Variants in ETV6 observed in about 807,000 individuals in gnomAD.
ETV6 encodes the protein transcription factor ETV6.
In ETV6, 16 loss-of-function variants were observed where a neutral mutation model predicts 51.1. The observed-to-expected ratio is 0.31, with a 90% CI of 0.21 to 0.48. ETV6 has a LOEUF of 0.48. Among genes scored for constraint, ETV6 ranks in the 20% least tolerant of loss-of-function variants. The pLI, the probability that ETV6 is intolerant of heterozygous loss-of-function variation, is 0.99. For synonymous variants in ETV6, 240 were observed against 224.1 expected (o/e 1.07, Z -0.64); for missense variants, 458 against 594.8 (o/e 0.77, Z 2.39).
intron 2 of ETV6, among the ~76,000 whole-genome samples, chr12:11,837,728 A>C (rs985134241): frequency 6.6e-6 from 1 of 152,234 alleles, no homozygotes; most frequent in Non-Finnish European, 1.5e-5. Context: ...TCTTAGCAAC[A>C]CTGATGCCAT....
chr12:11,888,678 C>T (rs1947242480), intron 7 of ETV6, among the ~76,000 whole-genome samples: 1 of 152,130 alleles, frequency 6.6e-6, no homozygotes, highest in Non-Finnish European at 1.5e-5. Context: ...GCTTGAATTA[C>T]AGATGTGAGC....
At chr12:11,793,743 T>G (rs1168715628) in intron 2 of ETV6, among the ~76,000 whole-genome samples, 1 of 152,162 alleles carries the variant, frequency 6.6e-6, no homozygotes, top group Non-Finnish European at 1.5e-5. Flanking sequence ...CTAGTTACCT[T>G]GCGTAGCGCT....
intron 1 of ETV6, among the ~76,000 whole-genome samples, chr12:11,719,319 C>T (rs2724619): frequency 0.99 from 150,688 of 152,374 alleles, 74,528 homozygotes; most frequent in Middle Eastern, 1. Flanking sequence ...TCTCACAGTC[C>T]CTTTGGGCAA....
intron 2 of ETV6, among the ~76,000 whole-genome samples, chr12:11,758,462 G>A (rs1283571661): frequency 6.6e-6 from 1 of 152,184 alleles, no homozygotes; most frequent in African/African-American, 2.4e-5. Flanking sequence ...TTCTGTCTGT[G>A]TATTATTGAG....
chr12:11,703,353 A>G (rs540517033), intron 1 of ETV6, among the ~76,000 whole-genome samples: 68 of 152,122 alleles, frequency 4.5e-4, no homozygotes, highest in Non-Finnish European at 8.7e-4. Context: ...AACAATGTGT[A>G]TAAATATAGA....
intron 4 of ETV6, among the ~76,000 whole-genome samples, chr12:11,866,133 A>G (rs12305013): frequency 0.084 from 12,728 of 151,772 alleles, 634 homozygotes; most frequent in African/African-American, 0.12. Context: ...TCTGCTATTA[A>G]GTCCATCTAG....
At chr12:11,702,014 A>G (rs1404990294) in intron 1 of ETV6, among the ~76,000 whole-genome samples, 4 of 152,156 alleles carry the variant, frequency 2.6e-5, no homozygotes, top group Non-Finnish European at 5.9e-5. Flanking sequence ...TAGGGCGTAT[A>G]TGAATGCCAT....
At chr12:11,661,613 C>T (rs1864101512) in intron 1 of ETV6, among the ~76,000 whole-genome samples, 1 of 152,260 alleles carries the variant, frequency 6.6e-6, no homozygotes, top group African/African-American at 2.4e-5. Context: ...TGGCTGACTA[C>T]ACCTCCAGTC....
intron 2 of ETV6, among the ~76,000 whole-genome samples, chr12:11,798,689 A>G (rs1240721527): frequency 1.3e-5 from 2 of 152,232 alleles, no homozygotes; most frequent in African/African-American, 4.8e-5. Context: ...AAATTTTACA[A>G]GAGTATTTCT....
chr12:11,738,957 AG>A (rs1865759891), intron 1 of ETV6, among the ~76,000 whole-genome samples: 3 of 152,222 alleles, frequency 2.0e-5, no homozygotes, highest in Admixed American at 6.5e-5. Flanking sequence ...AGATGAGGAG[AG>A]GTTGCACTGC....
chr12:11,689,033 T>C (rs946687256), intron 1 of ETV6, among the ~76,000 whole-genome samples: 1 of 151,672 alleles, frequency 6.6e-6, no homozygotes, highest in Non-Finnish European at 1.5e-5. Context: ...TCTATAACTC[T>C]CTTTAGACAA....
intron 2 of ETV6, among the ~76,000 whole-genome samples, chr12:11,812,320 G>A (rs1945925444): frequency 6.6e-6 from 1 of 152,124 alleles, no homozygotes; most frequent in Non-Finnish European, 1.5e-5. Context: ...TGTACTATGT[G>A]CTGTTACACT....
intron 2 of ETV6, among the ~76,000 whole-genome samples, chr12:11,763,805 T>C (rs1945126132): frequency 1.3e-5 from 2 of 152,250 alleles, no homozygotes; most frequent in Non-Finnish European, 2.9e-5. Context: ...CTCTCTCATG[T>C]CTGGTACTTC....
At chr12:11,720,321 A>G (rs150300043) in intron 1 of ETV6, among the ~76,000 whole-genome samples, 1 of 152,360 alleles carries the variant, frequency 6.6e-6, no homozygotes, top group Non-Finnish European at 1.5e-5. Flanking sequence ...ATGGTTAAAC[A>G]GCACAGTTTT....
intron 5 of ETV6, among the ~76,000 whole-genome samples, chr12:11,872,426 AG>A (rs993444985): frequency 1.3e-5 from 2 of 152,040 alleles, no homozygotes; most frequent in African/African-American, 4.8e-5. Flanking sequence ...TTTAGACTTG[AG>A]GAGTTATTTT....
At position 11,869,410 on chromosome 12, in the gene ETV6, C is replaced by T. The variant is rs768621441; in HGVS notation, c.464-14C>T. 2 of 1,590,692 alleles carry T rather than the reference C, an allele frequency of 1.3e-6. No homozygotes were observed. The highest frequency in any genetic ancestry group is 4.5e-5 in the East Asian group (2 of 44,704). ...TCACTGGGGTCTGTGATTGTCTTTCCCTCTGCTCCACAGATAACTGTGTCC... is the reference window on the plus strand; with the variant it reads ...TCACTGGGGTCTGTGATTGTCTTTCTCTCTGCTCCACAGATAACTGTGTCC... On this transcript the variant is annotated splice_polypyrimidine_tract_variant and intron_variant, in intron 4 of 7. Coordinates refer to ENST00000396373, the MANE Select transcript of ETV6 (RefSeq NM_001987.5). This position sits in a 1 kb window ranked among gnomAD's most constrained non-coding sequence, Gnocchi z 5.0.
rs11054450 is a variant in ETV6, at chr12:11,771,197, A to G, written c.163+18618A>G. On this transcript the variant is annotated intron_variant, in intron 2 of 7. Transcript: ENST00000396373. The stretch of plus-strand genomic sequence containing the variant: ...CAAAAATAGTGCATTGCAGATATCA[A>G]TAAGAGGTAGGGTAGGCAGTGATTT... Among the ~76,000 whole-genome samples, 593 of 152,352 alleles carry G rather than the reference A, an allele frequency of 3.9e-3. 2 individuals carry two copies. Among genetic ancestry groups the G allele is most frequent in the African/African-American group, 0.014 (572 of 41,586 alleles).
At position 11,835,437 on chromosome 12, in the gene ETV6, G is replaced by A. The variant is rs147098990; in HGVS notation, c.164-3703G>A. Among the ~76,000 whole-genome samples the A allele has an allele frequency of 4.6e-5, 7 of 152,226 alleles. No homozygotes were observed. The East Asian group carries it at 7.7e-4, about 17-fold the overall frequency. ...TGAATTAAAGTTGCAAGAGATGGCC[G>A]TAAATAAAGCAAGTTATGTATGTGC... On this transcript the variant is annotated intron_variant, in intron 2 of 7. Coordinates refer to ENST00000396373, the MANE Select transcript of ETV6 (RefSeq NM_001987.5).
chr12:11,783,567 G>T (rs571185475), intron 2 of ETV6, among the ~76,000 whole-genome samples: 1 of 152,284 alleles, frequency 6.6e-6, no homozygotes, highest in South Asian at 2.1e-4. Flanking sequence ...TTAATGGACG[G>T]TATTTAGCCA....
Sources: gnomAD v4.1 joint callset for allele counts (sites outside exome capture counted in the v4.1 genomes callset) on GRCh38, gnomAD v4.1.1 for gene constraint, Gnocchi (gnomAD v3.1) non-coding constraint, MANE v1.5 for transcripts, NCBI Gene and HGNC (gene_info 2026-07-23, HGNC 2026-07-21) for gene names.